DPY19L4: variants seen among roughly 807,000 people sequenced by gnomAD.
DPY19L4 encodes the protein dpy-19 like 4, also known as probable C-mannosyltransferase DPY19L4.
A neutral mutation model predicts 102.8 loss-of-function variants in DPY19L4; 97 were observed. The ratio of observed to expected loss-of-function variants is 0.94; its 90% CI spans 0.80 to 1.12. DPY19L4 has a LOEUF of 1.12. DPY19L4 is among the 50% of genes most tolerant of loss of function. The probability of loss-of-function intolerance (pLI) is 0.00; values close to 1 mark genes in which losing one functional copy is unlikely to be tolerated. For synonymous variants in DPY19L4, 252 were observed against 283.1 expected, an observed-to-expected ratio of 0.89 and a Z score of 1.10; for missense variants, 815 against 850.4, an observed-to-expected ratio of 0.96 and a Z score of 0.52.
At chr8:94,759,006 G>A (rs376209145) in intron 7 of DPY19L4, among the ~76,000 whole-genome samples, 71 of 152,132 alleles carry the variant, frequency 4.7e-4, no homozygotes, top group Non-Finnish European at 7.6e-4. Flanking sequence ...AAGTGTGTCC[G>A]GAGTTGGTTC....
chr8:94,750,561 C>CTG (rs143871399), intron 6 of DPY19L4, among the ~76,000 whole-genome samples: 1,682 of 150,684 alleles, frequency 0.011, 16 homozygotes, highest in African/African-American at 0.025. Flanking sequence ...ATATGTGTAT[C>CTG]TGTGTGTGTG....
intron 16 of DPY19L4, 90 bp downstream of exon 16, chr8:94,781,256 A>G (rs1330601190): frequency 8.7e-7 from 1 of 1,148,312 alleles, no homozygotes; most frequent in African/African-American, 1.6e-5. Context: ...ATAAATTAAT[A>G]CTTCTCCAAA....
Position 94,726,397 on chromosome 8 carries a change from A to G in DPY19L4, c.83A>G (p.Glu28Gly), listed in dbSNP as rs1292781592. The change falls in exon 2 of 19, where the codon GAA (glutamate) becomes GGA (glycine). Residue 28 changes from glutamate to glycine, a missense_variant. Transcript: ENST00000414645. ...KSSENKESAK[E>G]EKISDIPIPE... is the part of the protein sequence containing the mutation. The stretch of plus-strand genomic sequence containing the variant: ...TCAGAAAATAAGGAATCTGCCAAAG[A>G]AGAGAAAATCAGTGACATTCCAATT... The G allele has an allele frequency of 1.9e-6, 3 of 1,612,784 alleles. No individual in the cohort carries two copies. Among genetic ancestry groups the G allele is most frequent in the African/African-American group, 1.3e-5 (1 of 75,006 alleles).
At chr8:94,742,226 C>T (rs1211465189) in intron 6 of DPY19L4, among the ~76,000 whole-genome samples, 2 of 151,910 alleles carry the variant, frequency 1.3e-5, no homozygotes, top group Admixed American at 6.6e-5. Context: ...AGTGTGGTGG[C>T]GGGCGCCTGT....
At position 94,792,060 on chromosome 8, in the gene DPY19L4, T is replaced by C. The variant is rs1245060223; in HGVS notation, c.*2150T>C. The C allele has an allele frequency of 6.6e-6, 1 of 152,204 alleles. No individual in the cohort carries two copies. Among genetic ancestry groups the C allele is most frequent in the Admixed American group, 6.5e-5 (1 of 15,278 alleles). The allele number at this position is 152,204 out of a possible 1,614,324, so 9.4% of individuals were successfully genotyped here. A position where few individuals can be genotyped will look rare whatever the true frequency, so the allele number is the denominator to read the frequency against. On this transcript the variant is annotated 3_prime_UTR_variant, in exon 19 of 19. Coordinates refer to ENST00000414645, the MANE Select transcript of DPY19L4 (RefSeq NM_181787.3). ...AACAAATGATTCACAATTCTACAAG[T>C]AATTCCACTTAGGTAACTTACAGTT...
At chr8:94,779,231 ACC>A (rs1563614525) in intron 14 of DPY19L4, among the ~76,000 whole-genome samples, 20 of 150,740 alleles carry the variant, frequency 1.3e-4, no homozygotes, top group East Asian at 7.8e-4. Flanking sequence ...AAAAAAAAAA[ACC>A]AAGGCTTTAA....
chr8:94,749,948 G>A (rs1441936136), intron 6 of DPY19L4, among the ~76,000 whole-genome samples: 3 of 152,034 alleles, frequency 2.0e-5, no homozygotes, highest in Admixed American at 6.6e-5. Context: ...TAAAAATATT[G>A]GTTCATGTTT....
chr8:94,760,682 C>G (rs1267296051), intron 7 of DPY19L4, among the ~76,000 whole-genome samples: 1 of 152,198 alleles, frequency 6.6e-6, no homozygotes, highest in Non-Finnish European at 1.5e-5. Context: ...TGTCCTTCTC[C>G]TTCACTGTTC....
At chr8:94,757,992 C>T (rs915206941) in intron 7 of DPY19L4, among the ~76,000 whole-genome samples, 2 of 151,766 alleles carry the variant, frequency 1.3e-5, no homozygotes, top group African/African-American at 2.4e-5. Flanking sequence ...CACAGCTGTA[C>T]TCCCAGCTAC....
chr8:94,783,568 G>A (rs1813524572), intron 16 of DPY19L4, 102 bp from the exon 17 acceptor site: 1 of 1,419,788 alleles, frequency 7.0e-7, no homozygotes. Flanking sequence ...ACTGAAATGT[G>A]TAAACATTGT....
chr8:94,751,120 TTTC>T (rs1563589502), intron 6 of DPY19L4, among the ~76,000 whole-genome samples: 2 of 135,310 alleles, frequency 1.5e-5, no homozygotes, highest in South Asian at 4.5e-4. Flanking sequence ...TTTTCTTTCT[TTTC>T]TTTTTTTTTT....
chr8:94,743,970 C>T (rs1268034005), intron 6 of DPY19L4, among the ~76,000 whole-genome samples: 4 of 152,194 alleles, frequency 2.6e-5, no homozygotes, highest in South Asian at 2.1e-4. Flanking sequence ...CATGCCACTG[C>T]ACTCCAGCCA....
At chr8:94,738,797 C>A (rs888563319) in intron 4 of DPY19L4, among the ~76,000 whole-genome samples, 1 of 152,126 alleles carries the variant, frequency 6.6e-6, no homozygotes, top group Admixed American at 6.6e-5. Context: ...CAGGTGTGAA[C>A]CACTGCGCCC....
chr8:94,734,715 A>G lies in DPY19L4; in HGVS notation c.213A>G (p.Ser71=). 1 of 1,613,908 alleles carries G rather than the reference A, an allele frequency of 6.2e-7. No individual in the cohort carries two copies. Among genetic ancestry groups the G allele is most frequent in the Non-Finnish European group, 8.5e-7 (1 of 1,179,958 alleles). The part of the protein sequence containing the change: ...TSGMMYALYL[S]AYHERKFWFS... ...GTATGATGTATGCTCTCTACTTATC[A>G]GCATACCATGAACGGAAATTCTGGT... Residue 71 remains serine, a synonymous_variant, in exon 3 of 19, where the codon TCA becomes TCG. Transcript: ENST00000414645.
At chr8:94,773,213 CAA>C (rs1319486647) in intron 13 of DPY19L4, among the ~76,000 whole-genome samples, 131 of 67,586 alleles carry the variant, frequency 1.9e-3, no homozygotes, top group African/African-American at 4.8e-3. Context: ...GACTCCGTAT[CAA>C]AAAAAAAAAA....
intron 2 of DPY19L4, among the ~76,000 whole-genome samples, chr8:94,727,275 C>T (rs1810732300): frequency 6.6e-6 from 1 of 152,190 alleles, no homozygotes; most frequent in African/African-American, 2.4e-5. Context: ...GCTCTGTCAC[C>T]CAGGCTGGAG....
intron 6 of DPY19L4, among the ~76,000 whole-genome samples, chr8:94,743,702 T>G (rs1320093465): frequency 5.9e-5 from 9 of 151,964 alleles, no homozygotes; most frequent in Admixed American, 2.0e-4. Context: ...AAATATAGAC[T>G]TTCTAAAAGG....
intron 13 of DPY19L4, among the ~76,000 whole-genome samples, chr8:94,776,125 C>T (rs1270007332): frequency 3.3e-5 from 5 of 149,790 alleles, no homozygotes; most frequent in South Asian, 4.2e-4. Flanking sequence ...CTCTGCCTCC[C>T]GGGTTCATGC....
Position 94,793,661 on chromosome 8 carries a change from A to G in DPY19L4, c.*3751A>G, listed in dbSNP as rs564089396. On this transcript the variant is annotated 3_prime_UTR_variant, in exon 19 of 19. Transcript: ENST00000414645. ...CTACAAAAAGTTGCAAGTAAAATTTAGCAATTTCCTATTCAAACAGGATCT... is the reference window on the plus strand; with the variant it reads ...CTACAAAAAGTTGCAAGTAAAATTTGGCAATTTCCTATTCAAACAGGATCT... 8 of 152,188 alleles carry G rather than the reference A, an allele frequency of 5.3e-5. No individual in the cohort carries two copies. The South Asian group carries it at 1.7e-3, about 32-fold the overall frequency. The allele number at this position is 152,188 out of a possible 1,614,324, so 9.4% of individuals were successfully genotyped here.
Sources: allele counts gnomAD v4.1 joint callset (sites outside exome capture counted in the v4.1 genomes callset), GRCh38; gene constraint gnomAD v4.1.1; transcripts MANE v1.5; gene names NCBI Gene and HGNC (gene_info 2026-07-23, HGNC 2026-07-21).